WDFY4: variants seen among roughly 807,000 people sequenced by gnomAD.
WDFY4 encodes the protein WD repeat- and FYVE domain-containing protein 4.
A neutral mutation model predicts 351.9 loss-of-function variants in WDFY4; 169 were observed. The ratio of observed to expected loss-of-function variants is 0.48; its 90% CI spans 0.42 to 0.55. The LOEUF (loss-of-function observed/expected upper bound fraction) is 0.55, where lower values mean the gene tolerates loss of function less well. Among genes scored for constraint, WDFY4 ranks in the 20% least tolerant of loss-of-function variants. The pLI is 0.00. For missense variants in WDFY4, 3,803 were observed against 3,935.6 expected (o/e 0.97, Z 0.90); for synonymous variants, 1,622 against 1,574.6 (o/e 1.03, Z -0.71).
chr10:48,841,188 T>C (rs7916176), intron 39 of WDFY4, among the ~76,000 whole-genome samples: 8,218 of 152,288 alleles, frequency 0.054, 766 homozygotes, highest in African/African-American at 0.19. Context: ...CTGCTAGTGG[T>C]ATATATTAAA....
In WDFY4 at chr10:48,943,348, T is replaced by A; in HGVS notation, c.7648T>A (p.Phe2550Ile). The change falls in exon 49 of 62, where the codon TTT (phenylalanine) becomes ATT (isoleucine). Residue 2550 changes from phenylalanine to isoleucine, a missense_variant. Transcript: ENST00000325239. The part of the protein sequence containing the change: ...QKWQKRDISN[F>I]EYLMYLNTAA... ...CTGGTAGAAAAGGGACATCAGCAAT[T>A]TTGAGTATCTCATGTACCTCAACAC... 6.4e-7 allele frequency: 1 copy of A among 1,551,676 alleles called. No homozygotes were observed. The highest frequency in any genetic ancestry group is 8.7e-7 in the Non-Finnish European group (1 of 1,146,962).
rs945624758 is a variant in WDFY4 at position 48,978,508 on chromosome 10, A to G, written c.9376+115A>G. ...CCTCCCAGGTCTGCCCAGCCTAGGG[A>G]GGCCTAGGAAGGCACAGAGAGGTTC... On this transcript the variant is annotated intron_variant, in intron 60 of 61. Transcript: ENST00000325239. 3.2e-6 allele frequency: 3 copies of G among 948,258 alleles called. No individual in the cohort carries two copies. The African/African-American group carries it at 5.0e-5, about 16-fold the overall frequency. 58.7% of individuals were successfully genotyped at this position (948,258 alleles called of 1,614,324 possible).
chr10:48,709,898 C>T lies in WDFY4; in HGVS notation c.166C>T (p.Gln56Ter). The part of the protein sequence containing the change: ...MLERKFLEYQ[Q>*]LTHKSPIERQ... ...GGAAAGGAAGTTTCTGGAATACCAG[C>T]AGTTGACTCACAAGAGCCCCATTGA... The change falls in exon 2 of 62, where the codon CAG (glutamine) becomes TAG (stop). Residue 56 changes from glutamine to a stop codon, truncating the protein, a stop_gained. Coordinates refer to ENST00000325239, the MANE Select transcript of WDFY4 (RefSeq NM_001394531.1). LOFTEE classifies it high-confidence loss of function. 1 of 1,552,160 alleles carries T rather than the reference C, an allele frequency of 6.4e-7. No homozygotes were observed. Among genetic ancestry groups the T allele is most frequent in the Non-Finnish European group, 8.7e-7 (1 of 1,147,112 alleles).
chr10:48,977,015 A>T, intron 59 of WDFY4, 36 bp downstream of exon 59: 1 of 1,313,138 alleles, frequency 7.6e-7, no homozygotes, highest in Non-Finnish European at 9.8e-7. Flanking sequence ...GACATGACAC[A>T]AGAAACGTGT....
intron 47 of WDFY4, among the ~76,000 whole-genome samples, chr10:48,920,284 C>T (rs1209061963): frequency 1.3e-5 from 2 of 149,400 alleles, no homozygotes; most frequent in Non-Finnish European, 3.0e-5. Context: ...CCAAATACCA[C>T]ATGTTCTCAC....
chr10:48,973,794 C>A (rs990988842), intron 57 of WDFY4, among the ~76,000 whole-genome samples: 1 of 152,220 alleles, frequency 6.6e-6, no homozygotes, highest in Non-Finnish European at 1.5e-5. Context: ...AGGCCTCCAG[C>A]CAGATCTGGA....
chr10:48,900,182 C>T, intron 45 of WDFY4, 39 bp from the exon 46 acceptor site: 1 of 1,538,460 alleles, frequency 6.5e-7, no homozygotes, highest in Non-Finnish European at 8.8e-7. Context: ...CTCTAGTCCA[C>T]AAAATATCAG....
chr10:48,953,302 G>GTCTCTC (rs140127650), intron 51 of WDFY4, among the ~76,000 whole-genome samples: 1,729 of 125,934 alleles, frequency 0.014, 15 homozygotes, highest in East Asian at 0.023. Flanking sequence ...CATGAGATAT[G>GTCTCTC]TCTCTCTCTC....
chr10:48,876,463 T>A (rs1202107342), intron 42 of WDFY4, among the ~76,000 whole-genome samples: 1 of 152,198 alleles, frequency 6.6e-6, no homozygotes, highest in Non-Finnish European at 1.5e-5. Context: ...CCAACCAAGA[T>A]GGGACAACAT....
intron 59 of WDFY4, among the ~76,000 whole-genome samples, chr10:48,977,993 AG>A (rs1842648884): frequency 6.6e-6 from 1 of 152,286 alleles, no homozygotes; most frequent in Admixed American, 6.5e-5. Flanking sequence ...GCATTGGTTG[AG>A]CAAAATGGCA....
chr10:48,802,579 AG>A (rs5784777), intron 24 of WDFY4, among the ~76,000 whole-genome samples: 43,660 of 151,990 alleles, frequency 0.29, 6,937 homozygotes, highest in East Asian at 0.69. Context: ...AAAGGGAAGT[AG>A]AAATAAGACA....
chr10:48,927,053 G>T (rs543474662), intron 47 of WDFY4, among the ~76,000 whole-genome samples: 45 of 152,236 alleles, frequency 3.0e-4, no homozygotes, highest in African/African-American at 1.0e-3. Flanking sequence ...CTTTGCCCTG[G>T]AGAGCTGCAG....
At chr10:48,890,883 A>G (rs1317477984) in intron 44 of WDFY4, among the ~76,000 whole-genome samples, 156 bp downstream of exon 44, 1 of 152,218 alleles carries the variant, frequency 6.6e-6, no homozygotes, top group Non-Finnish European at 1.5e-5. Flanking sequence ...CTGCAGGCAT[A>G]GGCCATCCAT....
At chr10:48,771,486 C>A (rs1038685021) in intron 13 of WDFY4, among the ~76,000 whole-genome samples, 4 of 152,160 alleles carry the variant, frequency 2.6e-5, no homozygotes, top group Non-Finnish European at 5.9e-5. Flanking sequence ...ATTGCATAAT[C>A]CATACATGTC....
At chr10:48,838,689 C>A (rs543034604) in intron 39 of WDFY4, among the ~76,000 whole-genome samples, 1 of 152,344 alleles carries the variant, frequency 6.6e-6, no homozygotes, top group South Asian at 2.1e-4. Context: ...AATTTTCTCT[C>A]CTTATGACTT....
intron 12 of WDFY4, among the ~76,000 whole-genome samples, chr10:48,759,907 G>A (rs916369789): frequency 6.6e-6 from 1 of 152,016 alleles, no homozygotes; most frequent in South Asian, 2.1e-4. Context: ...TGTTTTAGTT[G>A]CATTCGGTAT....
intron 39 of WDFY4, among the ~76,000 whole-genome samples, chr10:48,841,502 G>T (rs2068605986): frequency 6.6e-6 from 1 of 151,636 alleles, no homozygotes; most frequent in African/African-American, 2.4e-5. Context: ...TATGTTTTCT[G>T]TCAGGTTAGG....
intron 39 of WDFY4, among the ~76,000 whole-genome samples, chr10:48,840,228 C>T (rs1450048938): frequency 2.6e-5 from 4 of 152,144 alleles, no homozygotes; most frequent in Admixed American, 1.3e-4. Flanking sequence ...GTGCTTCCTA[C>T]GCCACACCCA....
chr10:48,954,572 C>A (rs892848815), intron 51 of WDFY4, among the ~76,000 whole-genome samples: 1 of 152,220 alleles, frequency 6.6e-6, no homozygotes, highest in African/African-American at 2.4e-5. Flanking sequence ...CTTCTTGCCC[C>A]ATTTTTCCCT....
Sources: gnomAD v4.1 joint callset for allele counts (sites outside exome capture counted in the v4.1 genomes callset) on GRCh38, gnomAD v4.1.1 for gene constraint, MANE v1.5 for transcripts, NCBI Gene and HGNC (gene_info 2026-07-23, HGNC 2026-07-21) for gene names.